The following KALRN variants were observed in gnomAD, a reference collection of about 807,000 sequenced individuals.
KALRN encodes the protein kalirin.
In KALRN, 70 loss-of-function variants were observed where a neutral mutation model predicts 353.7. The ratio of observed to expected loss-of-function variants is 0.20; its 90% confidence interval spans 0.16 to 0.24. The LOEUF is 0.24. Ranked by LOEUF, KALRN falls within the 10% of genes least tolerant of loss-of-function variation. The probability of loss-of-function intolerance (pLI) is 1.00; values close to 1 mark genes in which losing one functional copy is unlikely to be tolerated. For missense variants in KALRN, 2,791 were observed against 3,756.7 expected, an observed-to-expected ratio of 0.74 and a Z score of 6.72; for synonymous variants, 1,391 against 1,434.8, an observed-to-expected ratio of 0.97 and a Z score of 0.69.
At chr3:124,383,204 A>G (rs1560752736) in intron 10 of KALRN, among the ~76,000 whole-genome samples, 1 of 152,164 alleles carries the variant, frequency 6.6e-6, no homozygotes, top group Non-Finnish European at 1.5e-5. Flanking sequence ...AGAAGCCAAG[A>G]CAAGTGTTTG....
At chr3:124,604,152 TTTA>T (rs10581179) in intron 34 of KALRN, among the ~76,000 whole-genome samples, 36,933 of 143,216 alleles carry the variant, frequency 0.26, 4,663 homozygotes, top group East Asian at 0.35. Flanking sequence ...GTTTTTTTTT[TTTA>T]AATTTATTAT....
At chr3:124,164,691 A>T (rs1182734529) in intron 1 of KALRN, 1 of 152,196 alleles carries the variant, frequency 6.6e-6, no homozygotes, top group East Asian at 1.9e-4. Flanking sequence ...ACTGTATTTG[A>T]TTAGTTTGGA....
intron 34 of KALRN, among the ~76,000 whole-genome samples, chr3:124,601,557 G>A (rs1432907335): frequency 1.3e-5 from 2 of 152,316 alleles, no homozygotes; most frequent in Non-Finnish European, 2.9e-5. Flanking sequence ...TCTCCTCCCA[G>A]TGTGTTGGAT....
In KALRN at chr3:124,678,181, G is replaced by A. The variant is rs781489608; in HGVS notation, c.7194-9G>A. On this transcript the variant is annotated splice_polypyrimidine_tract_variant and intron_variant, in intron 49 of 59. Coordinates refer to ENST00000682506, the MANE Select transcript of KALRN (RefSeq NM_001388419.1). ...GCCATTTTGATTGGTGCATTTTTTG[G>A]TACAACAGGAAGTCATGTTCATGGC... is the stretch of plus-strand genomic sequence containing the variant. 1 of 1,612,884 alleles carries A rather than the reference G, an allele frequency of 6.2e-7. No homozygotes were observed. The highest frequency in any genetic ancestry group is 8.5e-7 in the Non-Finnish European group (1 of 1,179,430).
At position 124,287,934 on chromosome 3, in the gene KALRN, T is replaced by C. The variant is rs771401349; in HGVS notation, c.970-10857T>C. 9.5e-4 allele frequency among the ~76,000 whole-genome samples: 144 copies of C among 151,564 alleles called. 1 individual carries two copies. The highest frequency in any genetic ancestry group is 1.5e-3 in the Non-Finnish European group (102 of 67,898). ...TGTCACCCAGGCTAGAGTACAGTGG[T>C]GTGATCTCGGCACACTGCAACCTCC... On this transcript the variant is annotated intron_variant, in intron 5 of 59. Coordinates refer to ENST00000682506, the MANE Select transcript of KALRN (RefSeq NM_001388419.1).
In KALRN at chr3:124,643,068, C is replaced by T. The variant is rs533022835; in HGVS notation, c.5664+5765C>T. ...TCAACCTCACGTGATCCGCCTGCCTCGGCCTCCCAAAGTGCTGGGATTACA... is the reference window on the plus strand; with the variant it reads ...TCAACCTCACGTGATCCGCCTGCCTTGGCCTCCCAAAGTGCTGGGATTACA... On this transcript the variant is annotated intron_variant, in intron 37 of 59. Coordinates refer to ENST00000682506, the MANE Select transcript of KALRN (RefSeq NM_001388419.1). 7.2e-5 allele frequency among the ~76,000 whole-genome samples: 11 copies of T among 152,166 alleles called. No homozygotes were observed. In the East Asian group the frequency reaches 9.7e-4, roughly 13 times the overall value.
intron 13 of KALRN, among the ~76,000 whole-genome samples, chr3:124,411,274 C>T (rs1263355470): frequency 6.6e-6 from 1 of 151,622 alleles, no homozygotes. Flanking sequence ...TTATTTTTGG[C>T]GATGACTACA....
intron 11 of KALRN, among the ~76,000 whole-genome samples, chr3:124,385,904 C>T (rs553194914): frequency 9.2e-5 from 14 of 152,170 alleles, no homozygotes; most frequent in African/African-American, 2.2e-4. Flanking sequence ...TGTGTCCCCC[C>T]CCAGGAATTC....
chr3:124,491,165 T>C (rs2063122466), intron 30 of KALRN, among the ~76,000 whole-genome samples, 158 bp from the exon 31 acceptor site: 1 of 152,130 alleles, frequency 6.6e-6, no homozygotes, highest in Admixed American at 6.5e-5. Flanking sequence ...CCTTTCATCC[T>C]GGGTAGATGA....
At chr3:124,176,784 G>A (rs2150161386) in intron 1 of KALRN, among the ~76,000 whole-genome samples, 1 of 152,322 alleles carries the variant, frequency 6.6e-6, no homozygotes, top group South Asian at 2.1e-4. Context: ...TTTGGGAGAT[G>A]TATTTTCTAA....
intron 1 of KALRN, among the ~76,000 whole-genome samples, chr3:124,064,294 C>T (rs2042186059): frequency 6.6e-6 from 1 of 151,964 alleles, no homozygotes; most frequent in South Asian, 2.1e-4. Flanking sequence ...GGAGTTTAAA[C>T]TGCTGAGAGA....
intron 1 of KALRN, among the ~76,000 whole-genome samples, chr3:124,172,081 T>C (rs1276838946): frequency 6.6e-6 from 1 of 152,204 alleles, no homozygotes; most frequent in Non-Finnish European, 1.5e-5. Context: ...TTGAATCTTA[T>C]TTTCCTTATC....
At chr3:124,645,217 C>G (rs2082554088) in intron 37 of KALRN, among the ~76,000 whole-genome samples, 1 of 151,536 alleles carries the variant, frequency 6.6e-6, no homozygotes, top group Non-Finnish European at 1.5e-5. Flanking sequence ...TTTGTAGATT[C>G]TGGATATTAG....
chr3:124,167,615 T>C (rs2071083406), intron 1 of KALRN, among the ~76,000 whole-genome samples: 2 of 152,206 alleles, frequency 1.3e-5, no homozygotes, highest in African/African-American at 4.8e-5. Flanking sequence ...ATCACGTAAT[T>C]CTTTCAGCAC....
At chr3:124,045,994 G>A (rs2040440422) in intron 1 of KALRN, among the ~76,000 whole-genome samples, 1 of 152,128 alleles carries the variant, frequency 6.6e-6, no homozygotes, top group Admixed American at 6.5e-5. Context: ...AAATAAGATG[G>A]TAATCAAAAG....
intron 16 of KALRN, among the ~76,000 whole-genome samples, chr3:124,432,184 C>T (rs1197677154): frequency 6.6e-6 from 1 of 152,064 alleles, no homozygotes; most frequent in East Asian, 1.9e-4. Context: ...CCAAGATGGG[C>T]AGACCTCTTG....
intron 13 of KALRN, among the ~76,000 whole-genome samples, chr3:124,407,061 T>C (rs2091634311): frequency 6.6e-6 from 1 of 152,108 alleles, no homozygotes; most frequent in Non-Finnish European, 1.5e-5. Context: ...CTCAAACTCC[T>C]GACCTCAGGT....
At chr3:124,602,619 A>G (rs921135349) in intron 34 of KALRN, among the ~76,000 whole-genome samples, 6 of 152,240 alleles carry the variant, frequency 3.9e-5, no homozygotes, top group Admixed American at 1.3e-4. Context: ...TGTTCAGGGG[A>G]GGCCTTGTGG....
chr3:124,542,400 A>C (rs2069132273), intron 33 of KALRN, among the ~76,000 whole-genome samples: 1 of 152,192 alleles, frequency 6.6e-6, no homozygotes, highest in Non-Finnish European at 1.5e-5. Flanking sequence ...TTTGTCAACT[A>C]TGAAGCACCA....
Sources: allele counts gnomAD v4.1 joint callset (sites outside exome capture counted in the v4.1 genomes callset), GRCh38; gene constraint gnomAD v4.1.1; transcripts MANE v1.5; gene names NCBI Gene and HGNC (gene_info 2026-07-23, HGNC 2026-07-21).